Variants in FHIT observed in about 807,000 individuals in gnomAD.
The protein encoded by FHIT is bis(5'-adenosyl)-triphosphatase.
In FHIT, 19 loss-of-function variants were observed where a neutral mutation model predicts 17.9. The ratio of observed to expected loss-of-function variants is 1.06; its 90% CI spans 0.74 to 1.56. The LOEUF is 1.56. FHIT is among the 40% of genes most tolerant of loss of function. The pLI, the probability that FHIT is intolerant of heterozygous loss-of-function variation, is 0.00. For missense variants in FHIT, 248 were observed against 189.2 expected, an observed-to-expected ratio of 1.31 and a Z score of -1.82; for synonymous variants, 81 against 69.7, an observed-to-expected ratio of 1.16 and a Z score of -0.81.
chr3:59,801,848 C>A (rs670592), intron 8 of FHIT, among the ~76,000 whole-genome samples: 117,295 of 152,042 alleles, frequency 0.77, 46,417 homozygotes, highest in Middle Eastern at 0.9. Context: ...GCCCTCTGAC[C>A]TTTGCTCATA....
At chr3:60,042,025 A>G (rs1380064227) in intron 5 of FHIT, among the ~76,000 whole-genome samples, 1 of 152,214 alleles carries the variant, frequency 6.6e-6, no homozygotes, top group African/African-American at 2.4e-5. Flanking sequence ...TTCTGCAATC[A>G]TGGCCGCCTT....
At chr3:60,480,825 G>A (rs185613205) in intron 5 of FHIT, among the ~76,000 whole-genome samples, 58 of 152,304 alleles carry the variant, frequency 3.8e-4, no homozygotes, top group Middle Eastern at 3.4e-3. Context: ...CACAGCTGTC[G>A]TTGAGTGTCT....
chr3:60,811,686 T>C (rs566808314), intron 4 of FHIT, among the ~76,000 whole-genome samples: 4 of 152,194 alleles, frequency 2.6e-5, no homozygotes, highest in South Asian at 4.2e-4. Context: ...GGAAATGACA[T>C]AGAAAACCCC....
At chr3:59,975,425 C>T (rs1708366179) in intron 7 of FHIT, among the ~76,000 whole-genome samples, 1 of 152,076 alleles carries the variant, frequency 6.6e-6, no homozygotes. Flanking sequence ...TATAAATATA[C>T]TGTAAGATGC....
intron 7 of FHIT, among the ~76,000 whole-genome samples, chr3:60,002,196 C>G (rs1699755394): frequency 6.6e-6 from 1 of 151,908 alleles, no homozygotes; most frequent in Non-Finnish European, 1.5e-5. Context: ...AATAAACTAC[C>G]AGGGAAAGAA....
Position 60,569,755 on chromosome 3 carries a change from A to ATATATATATTTTT in FHIT, c.-17-32777_-17-32776insAAAAATATATATA. Among the ~76,000 whole-genome samples the ATATATATATTTTT allele has an allele frequency of 1.4e-3, 105 of 77,312 alleles. No homozygotes were observed. In the South Asian group the frequency reaches 0.015, roughly 11 times the overall value. The allele number at this position is 77,312 out of a possible 152,430, so 50.7% of individuals were successfully genotyped here. ...TATATATATATATATATATATATATATTTTTTTTTTTTTTAGACAGAGTTT... is the reference window on the plus strand; with the variant it reads ...TATATATATATATATATATATATATATATATATATTTTTTTTTTTTTTTTTTTAGACAGAGTTT... On this transcript the variant is annotated intron_variant, in intron 4 of 9. Transcript: ENST00000492590.
chr3:60,097,830 C>T (rs1408526113), intron 5 of FHIT, among the ~76,000 whole-genome samples: 3 of 148,860 alleles, frequency 2.0e-5, no homozygotes, highest in Non-Finnish European at 4.5e-5. Flanking sequence ...CATCATTTAG[C>T]ATTAGGTATA....
chr3:60,385,743 T>C (rs114164561), intron 5 of FHIT, among the ~76,000 whole-genome samples: 560 of 151,964 alleles, frequency 3.7e-3, no homozygotes, highest in African/African-American at 0.013. Context: ...CCATACCCAG[T>C]GAATTTTTTT....
chr3:59,921,799 A>G (rs1286274894), intron 8 of FHIT, among the ~76,000 whole-genome samples: 1 of 152,138 alleles, frequency 6.6e-6, no homozygotes. Flanking sequence ...TCACACTTGT[A>G]TCTTTGAATG....
chr3:59,878,309 A>G (rs1465556400), intron 8 of FHIT, among the ~76,000 whole-genome samples: 5 of 152,190 alleles, frequency 3.3e-5, no homozygotes, highest in Admixed American at 3.3e-4. Context: ...GTGAGTCATA[A>G]GACAGTTCAG....
At chr3:61,164,104 T>C (rs1192502885) in intron 2 of FHIT, among the ~76,000 whole-genome samples, 1 of 152,226 alleles carries the variant, frequency 6.6e-6, no homozygotes, top group Non-Finnish European at 1.5e-5. Flanking sequence ...TAAGTGTTAC[T>C]GATTTGAAAA....
At chr3:60,763,170 A>G (rs571539063) in intron 4 of FHIT, among the ~76,000 whole-genome samples, 1 of 152,300 alleles carries the variant, frequency 6.6e-6, no homozygotes, top group East Asian at 1.9e-4. Context: ...TGGCTTACAC[A>G]CGAGACAGAA....
At chr3:60,586,239 G>C (rs192271287) in intron 4 of FHIT, among the ~76,000 whole-genome samples, 2 of 152,070 alleles carry the variant, frequency 1.3e-5, no homozygotes. Context: ...AATAAATAAA[G>C]GTAAGCAGGG....
intron 4 of FHIT, among the ~76,000 whole-genome samples, chr3:60,644,770 T>C (rs1553686297): frequency 6.6e-6 from 1 of 152,196 alleles, no homozygotes; most frequent in Non-Finnish European, 1.5e-5. Flanking sequence ...ATGTTGCTTT[T>C]GTATGGAATC....
chr3:60,617,990 A>G, intron 4 of FHIT: 1 of 266,588 alleles, frequency 3.8e-6, no homozygotes, highest in Non-Finnish European at 7.6e-6. Flanking sequence ...AAGAATTAGT[A>G]AATGCTGGCT....
intron 7 of FHIT, among the ~76,000 whole-genome samples, chr3:59,963,194 G>A (rs1227524004): frequency 2.6e-5 from 4 of 151,150 alleles, no homozygotes; most frequent in Non-Finnish European, 4.4e-5. Context: ...GTGAACCCAG[G>A]AGGTGGAGTT....
At chr3:60,410,962 T>C (rs1029808820) in intron 5 of FHIT, among the ~76,000 whole-genome samples, 1 of 152,164 alleles carries the variant, frequency 6.6e-6, no homozygotes, top group Non-Finnish European at 1.5e-5. Context: ...TGACCATTAA[T>C]TCTTGAGCCC....
intron 4 of FHIT, among the ~76,000 whole-genome samples, chr3:60,731,197 A>G (rs1193471763): frequency 6.6e-6 from 1 of 152,150 alleles, no homozygotes; most frequent in African/African-American, 2.4e-5. Flanking sequence ...GGCCGAACAT[A>G]TCTGAGTCAT....
chr3:60,164,718 TG>T (rs1234957145), intron 5 of FHIT, among the ~76,000 whole-genome samples: 1 of 152,206 alleles, frequency 6.6e-6, no homozygotes, highest in East Asian at 1.9e-4. Flanking sequence ...TGCCTACCAC[TG>T]GGCTTGCCAG....
Sources: allele counts gnomAD v4.1 joint callset (sites outside exome capture counted in the v4.1 genomes callset), GRCh38; gene constraint gnomAD v4.1.1; transcripts MANE v1.5; gene names NCBI Gene and HGNC (gene_info 2026-07-23, HGNC 2026-07-21).